Variants in WWC1 observed in about 807,000 individuals in gnomAD.
WWC1 encodes protein KIBRA.
In WWC1, 55 loss-of-function variants were observed where a neutral mutation model predicts 138.4. That is an observed-to-expected ratio of 0.40 (90% CI 0.32 to 0.50). The LOEUF (loss-of-function observed/expected upper bound fraction) is 0.50, where lower values mean the gene tolerates loss of function less well. WWC1 is among the 20% of genes least tolerant of loss of function. WWC1 has a pLI of 0.72. For synonymous variants in WWC1, 524 were observed against 564.9 expected (o/e 0.93, Z 1.03); for missense variants, 1,226 against 1,420.4 (o/e 0.86, Z 2.20).
intron 1 of WWC1, among the ~76,000 whole-genome samples, chr5:168,338,680 A>G (rs867369409): frequency 1.3e-5 from 2 of 152,244 alleles, no homozygotes; most frequent in African/African-American, 4.8e-5. Context: ...AAGTGCTGGG[A>G]TGCTGAGTTT....
intron 1 of WWC1, among the ~76,000 whole-genome samples, chr5:168,298,049 T>C (rs992868269): frequency 6.6e-6 from 1 of 152,168 alleles, no homozygotes; most frequent in Non-Finnish European, 1.5e-5. Flanking sequence ...TTTATTTTAT[T>C]TTATTTTGAG....
Position 168,424,020 on chromosome 5 carries a change from A to G in WWC1, c.1762A>G (p.Arg588Gly), listed in dbSNP as rs757141258. ...GAGCCTTGGTAACAGCGCCCAGGAA[A>G]GATACCGGCTGGAGGAACCAGGAAC... Reference protein sequence around the residue: ...ELSLGNSAQERYRLEEPGTEG... With the variant: ...ELSLGNSAQEGYRLEEPGTEG... Residue 588 changes from arginine to glycine, a missense_variant, in exon 11 of 23, where the codon AGA becomes GGA. Physicochemically the swap from Arg to Gly is moderately radical, Grantham distance 125 (BLOSUM62 -2). Coordinates refer to ENST00000265293, the MANE Select transcript of WWC1 (RefSeq NM_015238.3). 6.2e-6 allele frequency: 10 copies of G among 1,613,144 alleles called. No homozygotes were observed. In the South Asian group the frequency reaches 9.9e-5, roughly 16 times the overall value.
intron 10 of WWC1, among the ~76,000 whole-genome samples, chr5:168,423,160 A>AAAAAAAAAAC (rs1561743443): frequency 8.6e-5 from 13 of 150,430 alleles, no homozygotes; most frequent in African/African-American, 2.5e-4. Flanking sequence ...AAAAAAAAAA[A>AAAAAAAAAAC]AAAAAAAAAA....
chr5:168,361,177 G>A (rs1043752085), intron 1 of WWC1, among the ~76,000 whole-genome samples: 5 of 152,182 alleles, frequency 3.3e-5, no homozygotes, highest in African/African-American at 1.2e-4. Flanking sequence ...GGAAGGAATG[G>A]ACTGAGATTA....
At chr5:168,312,340 G>A (rs990830999) in intron 1 of WWC1, among the ~76,000 whole-genome samples, 2 of 152,138 alleles carry the variant, frequency 1.3e-5, no homozygotes, top group Admixed American at 1.3e-4. Flanking sequence ...TAATATTGTC[G>A]TTATTTAGAG....
Position 168,335,489 on chromosome 5 carries a change from G to A in WWC1, c.120-35935G>A, listed in dbSNP as rs141466662. ...AAAGAAAGAACATCTAGAATTTCCTGGGCAATGTACTAAGCACTTTGTGTA... is the reference window on the plus strand; with the variant it reads ...AAAGAAAGAACATCTAGAATTTCCTAGGCAATGTACTAAGCACTTTGTGTA... On this transcript the variant is annotated intron_variant, in intron 1 of 22. Coordinates refer to ENST00000265293, the MANE Select transcript of WWC1 (RefSeq NM_015238.3). Among the ~76,000 whole-genome samples, 262 of 152,316 alleles carry A rather than the reference G, an allele frequency of 1.7e-3. 1 individual carries two copies. Among genetic ancestry groups the A allele is most frequent in the African/African-American group, 5.8e-3 (241 of 41,580 alleles).
At chr5:168,464,629 G>T in intron 20 of WWC1, 100 bp from the exon 21 acceptor site, 1 of 1,513,270 alleles carries the variant, frequency 6.6e-7, no homozygotes, top group African/African-American at 1.4e-5. Context: ...GGAAGGAGTG[G>T]ATGCCTACAA....
At chr5:168,434,550 T>TC (rs1307070655) in intron 15 of WWC1, among the ~76,000 whole-genome samples, 13 of 152,084 alleles carry the variant, frequency 8.5e-5, no homozygotes, top group Non-Finnish European at 1.6e-4. Flanking sequence ...AGATAAGGGA[T>TC]CAAGGCCCAG....
At chr5:168,307,959 G>C (rs1770731456) in intron 1 of WWC1, among the ~76,000 whole-genome samples, 1 of 152,086 alleles carries the variant, frequency 6.6e-6, no homozygotes, top group South Asian at 2.1e-4. Flanking sequence ...GTCTCCATCT[G>C]CTTATTTGGT....
At chr5:168,413,459 A>C (rs1049532004) in intron 8 of WWC1, among the ~76,000 whole-genome samples, 3 of 152,182 alleles carry the variant, frequency 2.0e-5, no homozygotes, top group African/African-American at 7.2e-5. Flanking sequence ...AACCCACCCT[A>C]TAGGTACCAT....
chr5:168,321,656 G>T (rs909083494), intron 1 of WWC1, among the ~76,000 whole-genome samples: 1 of 151,508 alleles, frequency 6.6e-6, no homozygotes, highest in African/African-American at 2.4e-5. Context: ...TCCTGCCTCA[G>T]CCTCCCGAGT....
intron 1 of WWC1, among the ~76,000 whole-genome samples, chr5:168,370,679 G>A (rs1196642029): frequency 6.6e-6 from 1 of 152,210 alleles, no homozygotes; most frequent in East Asian, 1.9e-4. Flanking sequence ...GTTTGTGATA[G>A]TTTTCTAGCA....
chr5:168,357,487 TGTGTGTGCGC>T (rs1258136607), intron 1 of WWC1, among the ~76,000 whole-genome samples: 187 of 89,416 alleles, frequency 2.1e-3, no homozygotes, highest in African/African-American at 5.7e-3. Flanking sequence ...TGTGTGTGTG[TGTGTGTGCGC>T]GCGCGCACGC....
chr5:168,415,798 T>TGTGG (rs1354077983), intron 9 of WWC1: 1 of 6,354 alleles, frequency 1.6e-4, no homozygotes, highest in African/African-American at 5.3e-4. Context: ...TGTGTGTGTG[T>TGTGG]GGGGGGGGGG....
intron 13 of WWC1, 55 bp from the exon 14 acceptor site, chr5:168,430,082 T>G: frequency 1.2e-4 from 159 of 1,371,378 alleles, no homozygotes; most frequent in Non-Finnish European, 1.5e-4. Flanking sequence ...AGAGAAGGAA[T>G]GAGAGAGATG....
intron 1 of WWC1, among the ~76,000 whole-genome samples, chr5:168,332,802 A>G (rs1415689444): frequency 1.3e-5 from 2 of 151,744 alleles, no homozygotes; most frequent in Non-Finnish European, 2.9e-5. Flanking sequence ...TCTGCTTCCC[A>G]GACTCAAGCC....
chr5:168,361,967 C>T (rs1270619298), intron 1 of WWC1, among the ~76,000 whole-genome samples: 1 of 152,088 alleles, frequency 6.6e-6, no homozygotes, highest in African/African-American at 2.4e-5. Context: ...CCTGTGGTCC[C>T]AGCTACTTGG....
chr5:168,334,685 A>G (rs1285004118), intron 1 of WWC1, among the ~76,000 whole-genome samples: 1 of 152,188 alleles, frequency 6.6e-6, no homozygotes, highest in East Asian at 1.9e-4. Flanking sequence ...TTACCACAAA[A>G]CTGTATCCTC....
At chr5:168,338,425 G>T (rs1163935128) in intron 1 of WWC1, among the ~76,000 whole-genome samples, 2 of 140,662 alleles carry the variant, frequency 1.4e-5, no homozygotes, top group Non-Finnish European at 3.0e-5. Flanking sequence ...TTTTTTTTTG[G>T]GGGGGGATTG....
Sources: gnomAD v4.1 joint callset for allele counts (sites outside exome capture counted in the v4.1 genomes callset) on GRCh38, gnomAD v4.1.1 for gene constraint, MANE v1.5 for transcripts, NCBI Gene and HGNC (gene_info 2026-07-23, HGNC 2026-07-21) for gene names.